Variants in ASTN2 observed in about 807,000 individuals in gnomAD.
ASTN2 encodes the protein astrotactin 2.
A neutral mutation model predicts 139.8 loss-of-function variants in ASTN2; 54 were observed. That is an observed-to-expected ratio of 0.39 (90% CI 0.31 to 0.48). The LOEUF (loss-of-function observed/expected upper bound fraction) is 0.48. Among genes scored for constraint, ASTN2 ranks in the 20% least tolerant of loss-of-function variants. The probability of loss-of-function intolerance (pLI) is 0.95; values close to 1 mark genes in which losing one functional copy is unlikely to be tolerated. For synonymous variants in ASTN2, 756 were observed against 719.5 expected (o/e 1.05, Z -0.81); for missense variants, 1,565 against 1,725.1 (o/e 0.91, Z 1.64).
intron 1 of ASTN2, among the ~76,000 whole-genome samples, chr9:117,348,995 A>G (rs1423002754): frequency 2.0e-5 from 3 of 152,158 alleles, no homozygotes; most frequent in African/African-American, 7.2e-5. Context: ...AGTCAAAACA[A>G]TTGAGTTGTC....
intron 16 of ASTN2, among the ~76,000 whole-genome samples, chr9:116,684,160 T>A (rs1210134718): frequency 6.6e-6 from 1 of 152,194 alleles, no homozygotes; most frequent in Non-Finnish European, 1.5e-5. Context: ...AGCTTGGCTT[T>A]TAAAAACTCT....
rs757048278 is a variant in ASTN2, at chr9:116,425,851, T to A, written c.4020A>T (p.Ter1340CysextTer39). 6.2e-7 allele frequency: 1 copy of A among 1,601,088 alleles called. No homozygotes were observed. The highest frequency in any genetic ancestry group is 8.5e-7 in the Non-Finnish European group (1 of 1,171,696). ...TGCTCACGGAGGGCAATACCCTCCCTCACCGGCCCTTGGACTCCCCGTACG... is the reference window on the plus strand; with the variant it reads ...TGCTCACGGAGGGCAATACCCTCCCACACCGGCCCTTGGACTCCCCGTACG... ...RNTYGESKGR[*>C] Residue 1340 changes from the stop codon to cysteine, a stop_lost, in exon 23 of 23, where the codon TGA becomes TGT. Transcript: ENST00000313400.
Position 116,507,009 on chromosome 9 carries a change from ATG to A in ASTN2, c.3356-19511_3356-19510del, listed in dbSNP as rs1374656632. On this transcript the variant is annotated intron_variant, in intron 19 of 22. Coordinates refer to ENST00000313400, the MANE Select transcript of ASTN2 (RefSeq NM_001365068.1). ...TAAGGAAGATGGCATAGAAAAAGGC[ATG>A]TGTCACAGCATGGGCCAAGTGTTGG... Among the ~76,000 whole-genome samples the A allele has an allele frequency of 3.3e-5, 5 of 152,288 alleles. No homozygotes were observed. The South Asian group carries it at 6.2e-4, about 19-fold the overall frequency.
chr9:117,307,665 C>G (rs184329166), intron 1 of ASTN2, among the ~76,000 whole-genome samples: 31 of 152,274 alleles, frequency 2.0e-4, no homozygotes, highest in Admixed American at 1.4e-3. Flanking sequence ...GGCACATGGC[C>G]ACCTTCATGG....
At chr9:116,725,576 C>T (rs187465721) in intron 16 of ASTN2, among the ~76,000 whole-genome samples, 195 bp downstream of exon 16, 13 of 152,230 alleles carry the variant, frequency 8.5e-5, no homozygotes. Context: ...GAGAATCCTG[C>T]AAAATCATTA....
chr9:117,181,870 C>T (rs1297499591), intron 3 of ASTN2, among the ~76,000 whole-genome samples: 1 of 152,192 alleles, frequency 6.6e-6, no homozygotes, highest in Non-Finnish European at 1.5e-5. Context: ...TTCCTGCTCA[C>T]CTTAAGCAAG....
intron 3 of ASTN2, among the ~76,000 whole-genome samples, chr9:117,212,210 T>C (rs1328440334): frequency 3.3e-5 from 5 of 152,260 alleles, no homozygotes; most frequent in East Asian, 1.9e-4. Context: ...AATATGCATA[T>C]GCAGAAGAAT....
At chr9:116,865,064 G>A (rs1832980912) in intron 10 of ASTN2, among the ~76,000 whole-genome samples, 1 of 152,104 alleles carries the variant, frequency 6.6e-6, no homozygotes, top group Admixed American at 6.6e-5. Context: ...CTATCCACTA[G>A]GCACAGGCCT....
At chr9:117,273,695 C>G (rs1001583773) in intron 2 of ASTN2, among the ~76,000 whole-genome samples, 2 of 152,114 alleles carry the variant, frequency 1.3e-5, no homozygotes, top group African/African-American at 4.8e-5. Context: ...TAATATATAC[C>G]CTTTCACATG....
chr9:116,659,100 T>C lies in ASTN2; in HGVS notation c.2807-7307A>G, dbSNP rs2131951770. On this transcript the variant is annotated intron_variant, in intron 16 of 22. Transcript: ENST00000313400. Reference sequence around the variant, plus strand: ...TATATACTTTTGAGCATACTTGTTTTCACAGACTATATTTTGACTATTCTC... The same window carrying C: ...TATATACTTTTGAGCATACTTGTTTCCACAGACTATATTTTGACTATTCTC... Among the ~76,000 whole-genome samples, 4 of 152,304 alleles carry C rather than the reference T, an allele frequency of 2.6e-5. 1 individual carries two copies. In the Middle Eastern group the frequency reaches 0.014, roughly 522 times the overall value.
chr9:116,832,153 G>A (rs1484216816), intron 11 of ASTN2, among the ~76,000 whole-genome samples: 4 of 152,082 alleles, frequency 2.6e-5, no homozygotes, highest in East Asian at 1.9e-4. Flanking sequence ...TTCATTGCTA[G>A]TATATAGGAA....
intron 4 of ASTN2, among the ~76,000 whole-genome samples, chr9:117,117,327 G>T (rs1829420184): frequency 6.8e-6 from 1 of 147,958 alleles, no homozygotes; most frequent in Non-Finnish European, 1.5e-5. Flanking sequence ...CAAGTGTAGG[G>T]TTTTAAACAG....
chr9:116,833,647 T>C (rs1831890334), intron 11 of ASTN2, among the ~76,000 whole-genome samples: 1 of 152,230 alleles, frequency 6.6e-6, no homozygotes, highest in Non-Finnish European at 1.5e-5. Context: ...TTCAGTCCAT[T>C]TTTTAATTTC....
intron 1 of ASTN2, among the ~76,000 whole-genome samples, chr9:117,407,328 A>G (rs1453109221): frequency 2.0e-5 from 3 of 152,330 alleles, no homozygotes; most frequent in East Asian, 3.9e-4. Flanking sequence ...GGCCATTATC[A>G]GATTTGGGCT....
intron 13 of ASTN2, among the ~76,000 whole-genome samples, chr9:116,784,037 A>ATAGTATGAG (rs1830294569): frequency 6.6e-6 from 1 of 152,224 alleles, no homozygotes; most frequent in Admixed American, 6.5e-5. Context: ...AGAGAAAAAA[A>ATAGTATGAG]TAGTATGAGG....
At chr9:116,797,870 G>A (rs1830742582) in intron 13 of ASTN2, among the ~76,000 whole-genome samples, 1 of 152,198 alleles carries the variant, frequency 6.6e-6, no homozygotes, top group Admixed American at 6.5e-5. Context: ...AGAATATAGT[G>A]CAGACAAACA....
At chr9:116,665,657 T>C (rs1170024257) in intron 16 of ASTN2, among the ~76,000 whole-genome samples, 1 of 152,126 alleles carries the variant, frequency 6.6e-6, no homozygotes, top group Non-Finnish European at 1.5e-5. Flanking sequence ...GGATGTTTTG[T>C]TGTAACAAAA....
intron 6 of ASTN2, among the ~76,000 whole-genome samples, chr9:117,016,859 A>C (rs1401636086): frequency 6.7e-6 from 1 of 149,866 alleles, no homozygotes; most frequent in African/African-American, 2.5e-5. Context: ...ATCAAAATAC[A>C]CCTATTTCCA....
chr9:116,707,519 C>G (rs1003388807), intron 16 of ASTN2, among the ~76,000 whole-genome samples: 3 of 151,612 alleles, frequency 2.0e-5, no homozygotes, highest in Admixed American at 2.0e-4. Flanking sequence ...TCCTCCCCAA[C>G]CCCTCCCCAC....
Sources: gnomAD v4.1 joint callset for allele counts (sites outside exome capture counted in the v4.1 genomes callset) on GRCh38, gnomAD v4.1.1 for gene constraint, MANE v1.5 for transcripts, NCBI Gene and HGNC (gene_info 2026-07-23, HGNC 2026-07-21) for gene names.